Variants in ADAM19 observed in about 807,000 individuals in gnomAD.
The protein encoded by ADAM19 is ADAM metallopeptidase domain 19, also known as disintegrin and metalloproteinase domain-containing protein 19.
Under a neutral mutation model 114.7 loss-of-function variants are expected in ADAM19, and 65 were observed. That is an observed-to-expected ratio of 0.57 (90% CI 0.46 to 0.70). The LOEUF (loss-of-function observed/expected upper bound fraction) is 0.70, where lower values mean the gene tolerates loss of function less well. Ranked by LOEUF, ADAM19 falls within the 30% of genes least tolerant of loss-of-function variation. The pLI, the probability that ADAM19 is intolerant of heterozygous loss-of-function variation, is 0.00. For missense variants in ADAM19, 1,063 were observed against 1,204.7 expected (o/e 0.88, Z 1.74); for synonymous variants, 466 against 460.5 (o/e 1.01, Z -0.15).
intron 11 of ADAM19, among the ~76,000 whole-genome samples, chr5:157,505,325 A>G (rs1465391675): frequency 6.6e-6 from 1 of 152,138 alleles, no homozygotes; most frequent in African/African-American, 2.4e-5. Context: ...CTCTTGGGAT[A>G]GAAGAATTAA....
chr5:157,530,986 T>A, intron 4 of ADAM19, 103 bp from the exon 5 acceptor site: 1 of 915,986 alleles, frequency 1.1e-6, no homozygotes, highest in Non-Finnish European at 1.8e-6. Context: ...ATTATATACC[T>A]ACCCAACCTT....
intron 9 of ADAM19, 69 bp downstream of exon 9, chr5:157,509,232 G>A (rs1561536210): frequency 1.3e-6 from 2 of 1,482,228 alleles, no homozygotes; most frequent in Non-Finnish European, 9.1e-7. Flanking sequence ...GGCAAACTCT[G>A]AGCATGTGCT....
chr5:157,515,380 C>T (rs769996476), intron 7 of ADAM19, among the ~76,000 whole-genome samples: 3 of 152,184 alleles, frequency 2.0e-5, no homozygotes, highest in African/African-American at 7.2e-5. Context: ...AATGAGACCA[C>T]CATAATTTAA....
chr5:157,508,118 T>C (rs1184525514), intron 9 of ADAM19, among the ~76,000 whole-genome samples: 1 of 152,242 alleles, frequency 6.6e-6, no homozygotes, highest in African/African-American at 2.4e-5. Context: ...CAAATTGATA[T>C]GAAGTCCTAC....
chr5:157,550,087 G>A (rs961888067), intron 3 of ADAM19, among the ~76,000 whole-genome samples: 2 of 152,186 alleles, frequency 1.3e-5, no homozygotes, highest in African/African-American at 4.8e-5. Flanking sequence ...GACTGACGTG[G>A]GGTGGGGGAG....
At chr5:157,540,923 T>C (rs1008200268) in intron 3 of ADAM19, among the ~76,000 whole-genome samples, 1 of 152,204 alleles carries the variant, frequency 6.6e-6, no homozygotes, top group African/African-American at 2.4e-5. Flanking sequence ...TCACCCTTTC[T>C]GAAGCAGCAA....
At chr5:157,500,505 T>A (rs1755526085) in intron 12 of ADAM19, among the ~76,000 whole-genome samples, 1 of 152,206 alleles carries the variant, frequency 6.6e-6, no homozygotes, top group Non-Finnish European at 1.5e-5. Context: ...TTTGTTTTTC[T>A]AATCCCCAGT....
At chr5:157,514,813 C>A (rs1441512420) in intron 7 of ADAM19, among the ~76,000 whole-genome samples, 1 of 152,182 alleles carries the variant, frequency 6.6e-6, no homozygotes, top group African/African-American at 2.4e-5. Context: ...AGAAAACCTG[C>A]TACAACTGCA....
chr5:157,513,396 C>T, intron 8 of ADAM19, 38 bp downstream of exon 8: 2 of 1,602,766 alleles, frequency 1.2e-6, no homozygotes, highest in Non-Finnish European at 1.7e-6. Context: ...AGTGCTGGCA[C>T]CTGGCACCTT....
Position 157,502,795 on chromosome 5 carries a change from C to T in ADAM19, c.1308+8G>A, listed in dbSNP as rs958424815. The T allele has an allele frequency of 1.2e-6, 2 of 1,601,434 alleles. No individual in the cohort carries two copies. The highest frequency in any genetic ancestry group is 1.7e-6 in the Non-Finnish European group (2 of 1,168,766). On this transcript the variant is annotated splice_region_variant and intron_variant, in intron 12 of 22. Transcript: ENST00000257527. Reference sequence around the variant, plus strand: ...TCCCCTCCCACTAGCACCATTGTGACCCCTCACCTCTTCTTCTCCACAGTC... The same window carrying T: ...TCCCCTCCCACTAGCACCATTGTGATCCCTCACCTCTTCTTCTCCACAGTC...
intron 13 of ADAM19, among the ~76,000 whole-genome samples, chr5:157,498,688 G>GTGTATATA (rs143445264): frequency 8.4e-4 from 121 of 143,882 alleles, no homozygotes; most frequent in East Asian, 8.1e-3. Context: ...ATGTGTGTAT[G>GTGTATATA]TATATATATA....
At chr5:157,513,161 A>G (rs1356995443) in intron 8 of ADAM19, among the ~76,000 whole-genome samples, 1 of 152,224 alleles carries the variant, frequency 6.6e-6, no homozygotes, top group Non-Finnish European at 1.5e-5. Flanking sequence ...AATAAAAATA[A>G]CAAAAAAAAA....
At chr5:157,538,675 T>C (rs1000284263) in intron 3 of ADAM19, among the ~76,000 whole-genome samples, 15 of 152,256 alleles carry the variant, frequency 9.9e-5, no homozygotes, top group African/African-American at 3.4e-4. Context: ...CTTTTTTTCT[T>C]TTCTAAACTT....
rs1256179814 is a variant in ADAM19, at chr5:157,479,845, C to G, written c.*1104G>C. ...TGACCAGCCTGCTCCCTCGTGTGTA[C>G]TTTGTAAATAGCTGGGCTCCCTAAG... On this transcript the variant is annotated 3_prime_UTR_variant, in exon 23 of 23. Transcript: ENST00000257527. The G allele has an allele frequency of 1.0e-6, 1 of 985,584 alleles. No individual in the cohort carries two copies. The highest frequency in any genetic ancestry group is 4.7e-5 in the South Asian group (1 of 21,294). 61.1% of individuals were successfully genotyped at this position (985,584 alleles called of 1,614,324 possible). A position where few individuals can be genotyped will look rare whatever the true frequency, so the allele number is the denominator to read the frequency against.
intron 5 of ADAM19, among the ~76,000 whole-genome samples, chr5:157,528,478 G>A (rs980697280): frequency 2.0e-5 from 3 of 152,218 alleles, no homozygotes; most frequent in Non-Finnish European, 1.5e-5. Context: ...CTTGCAGACT[G>A]CAGGTGGCGG....
At chr5:157,546,737 G>A (rs914667760) in intron 3 of ADAM19, among the ~76,000 whole-genome samples, 5 of 152,190 alleles carry the variant, frequency 3.3e-5, no homozygotes, top group Non-Finnish European at 7.3e-5. Context: ...AGGAGAAAAC[G>A]TGGAGACTGC....
intron 5 of ADAM19, among the ~76,000 whole-genome samples, chr5:157,528,858 ATTACAGTGCTGGT>A (rs1482316302): frequency 6.6e-6 from 1 of 152,228 alleles, no homozygotes; most frequent in East Asian, 1.9e-4. Context: ...GGGCTCCAAA[ATTACAGTGCTGGT>A]TTTCCCTCCA....
chr5:157,498,791 A>G (rs911103195), intron 13 of ADAM19, among the ~76,000 whole-genome samples: 3 of 151,634 alleles, frequency 2.0e-5, no homozygotes, highest in Non-Finnish European at 2.9e-5. Context: ...TGGGGATAAC[A>G]CCTTCTGATC....
At chr5:157,555,321 T>A (rs193118102) in intron 3 of ADAM19, among the ~76,000 whole-genome samples, 2 of 152,290 alleles carry the variant, frequency 1.3e-5, no homozygotes, top group East Asian at 3.9e-4. Context: ...ATCTCCTACT[T>A]TTTAGCTATC....
Sources: allele counts gnomAD v4.1 joint callset (sites outside exome capture counted in the v4.1 genomes callset), GRCh38; gene constraint gnomAD v4.1.1; transcripts MANE v1.5; gene names NCBI Gene and HGNC (gene_info 2026-07-23, HGNC 2026-07-21).